HECW2: variants seen among roughly 807,000 people sequenced by gnomAD.
HECW2 encodes the protein E3 ubiquitin-protein ligase HECW2.
A neutral mutation model predicts 175.2 loss-of-function variants in HECW2; 61 were observed. That is an observed-to-expected ratio of 0.35 (90% CI 0.28 to 0.43). The LOEUF (loss-of-function observed/expected upper bound fraction) is 0.43, where lower values mean the gene tolerates loss of function less well. Among genes scored for constraint, HECW2 ranks in the 20% least tolerant of loss-of-function variants. The pLI is 1.00. For synonymous variants in HECW2, 671 were observed against 731.0 expected (o/e 0.92, Z 1.32); for missense variants, 1,524 against 2,000.5 (o/e 0.76, Z 4.54).
intron 1 of HECW2, among the ~76,000 whole-genome samples, chr2:196,455,037 AT>A (rs758809824): frequency 0.015 from 2,143 of 143,306 alleles, 34 homozygotes; most frequent in African/African-American, 0.048. Context: ...CTTTTACTTA[AT>A]TTTTTTTTTT....
intron 1 of HECW2, among the ~76,000 whole-genome samples, chr2:196,497,945 T>C (rs1687453951): frequency 6.6e-6 from 1 of 152,238 alleles, no homozygotes; most frequent in African/African-American, 2.4e-5. Context: ...TGTCCACACT[T>C]TGTTGAACCT....
rs12619397 is a variant in HECW2 at position 196,442,838 on chromosome 2, T to C, written c.-35-9380A>G. On this transcript the variant is annotated intron_variant, in intron 1 of 28. Coordinates refer to ENST00000644978, the MANE Select transcript of HECW2 (RefSeq NM_001348768.2). ...CTACAAATAAGATATATAATAATGT[T>C]ATTTAAAATAGACCTCTGATATGAA... Among the ~76,000 whole-genome samples the C allele has an allele frequency of 1.9e-3, 287 of 152,306 alleles. 11 individuals are homozygous for C. In the East Asian group the frequency reaches 0.053, roughly 28 times the overall value.
chr2:196,255,681 C>G (rs1689028306), intron 18 of HECW2, among the ~76,000 whole-genome samples: 2 of 152,128 alleles, frequency 1.3e-5, no homozygotes, highest in Admixed American at 1.3e-4. Context: ...TCAGACAAAA[C>G]ATTAAAATAG....
chr2:196,485,006 T>C (rs1445005485), intron 1 of HECW2, among the ~76,000 whole-genome samples: 3 of 151,940 alleles, frequency 2.0e-5, no homozygotes, highest in South Asian at 4.2e-4. Flanking sequence ...CCCAGTATGG[T>C]TGGAGAGCAG....
chr2:196,204,600 G>A (rs1260903986), intron 28 of HECW2, among the ~76,000 whole-genome samples: 1 of 152,198 alleles, frequency 6.6e-6, no homozygotes, highest in East Asian at 1.9e-4. Flanking sequence ...AGCCTTGTGA[G>A]ACCATGAGCA....
chr2:196,231,092 C>CAA (rs10653412), intron 21 of HECW2, among the ~76,000 whole-genome samples: 29,495 of 55,370 alleles, frequency 0.53, 9,631 homozygotes, highest in Non-Finnish European at 0.63. Flanking sequence ...GACTCCGTCT[C>CAA]AAAAAAAAAA....
At chr2:196,231,943 C>A (rs933189106) in intron 21 of HECW2, among the ~76,000 whole-genome samples, 4 of 151,998 alleles carry the variant, frequency 2.6e-5, no homozygotes, top group African/African-American at 9.7e-5. Flanking sequence ...GAGCAGAGAT[C>A]GCGCCACTGC....
At position 196,504,917 on chromosome 2, in the gene HECW2, CA is replaced by C. The variant is rs1370717305; in HGVS notation, c.-35-71460del. Among the ~76,000 whole-genome samples, 3 of 152,148 alleles carry C rather than the reference CA, an allele frequency of 2.0e-5. No homozygotes were observed. The East Asian group carries it at 5.8e-4, about 29-fold the overall frequency. ...AAAAAATGAGTGCAGAGAGATTAAG[CA>C]AGGTACTCAAGACCACAATGCTAAA... On this transcript the variant is annotated intron_variant, in intron 1 of 28. Transcript: ENST00000644978.
chr2:196,408,234 T>C (rs1159138470), intron 2 of HECW2, among the ~76,000 whole-genome samples: 2 of 152,198 alleles, frequency 1.3e-5, no homozygotes, highest in Admixed American at 1.3e-4. Context: ...TTTCATGCTC[T>C]GAATGTGGGA....
At chr2:196,275,335 A>G (rs187244776) in intron 15 of HECW2, among the ~76,000 whole-genome samples, 34 of 152,382 alleles carry the variant, frequency 2.2e-4, no homozygotes, top group African/African-American at 7.9e-4. Context: ...AGAAGAAAAC[A>G]TGATTATCTA....
At chr2:196,504,106 G>C (rs1453257295) in intron 1 of HECW2, among the ~76,000 whole-genome samples, 1 of 152,014 alleles carries the variant, frequency 6.6e-6, no homozygotes, top group African/African-American at 2.4e-5. Flanking sequence ...GACCAGCCTG[G>C]ATAACATAGT....
intron 10 of HECW2, among the ~76,000 whole-genome samples, chr2:196,314,329 C>T (rs544771249): frequency 1.4e-4 from 22 of 152,268 alleles, no homozygotes; most frequent in African/African-American, 5.1e-4. Flanking sequence ...TTCAGTGAAA[C>T]CCCCAAACCC....
At chr2:196,247,058 C>T (rs1688673951) in intron 19 of HECW2, among the ~76,000 whole-genome samples, 1 of 151,946 alleles carries the variant, frequency 6.6e-6, no homozygotes, top group Non-Finnish European at 1.5e-5. Flanking sequence ...GTCAGGAGAT[C>T]GAGACCATCC....
intron 2 of HECW2, among the ~76,000 whole-genome samples, chr2:196,401,795 A>T (rs1694823673): frequency 6.6e-6 from 1 of 152,220 alleles, no homozygotes; most frequent in African/African-American, 2.4e-5. Context: ...TATTTTCTTC[A>T]CCAATATGAT....
In HECW2 at chr2:196,200,237, A is replaced by G. The variant is rs1460127868; in HGVS notation, c.*1040T>C. On this transcript the variant is annotated 3_prime_UTR_variant, in exon 29 of 29. Coordinates refer to ENST00000644978, the MANE Select transcript of HECW2 (RefSeq NM_001348768.2). ...AAGTTTGATTTAGAAGCTATTTTCTATTATACTTCTCAAGTGATGGAGTTG... is the reference window on the plus strand; with the variant it reads ...AAGTTTGATTTAGAAGCTATTTTCTGTTATACTTCTCAAGTGATGGAGTTG... 6.6e-6 allele frequency: 1 copy of G among 152,606 alleles called. No individual in the cohort carries two copies. Among genetic ancestry groups the G allele is most frequent in the Non-Finnish European group, 1.5e-5 (1 of 68,002 alleles). 9.5% of individuals were successfully genotyped at this position (152,606 alleles called of 1,614,324 possible). A position where few individuals can be genotyped will look rare whatever the true frequency, so the allele number is the denominator to read the frequency against.
rs148457703 is a variant in HECW2, at chr2:196,364,766, T to G, written c.293-21002A>C. On this transcript the variant is annotated intron_variant, in intron 2 of 28. Coordinates refer to ENST00000644978, the MANE Select transcript of HECW2 (RefSeq NM_001348768.2). ...ATTAAATAAATATAAAATGAATTCT[T>G]TAATTACAATTATGACACATGCTAC... Among the ~76,000 whole-genome samples the G allele has an allele frequency of 6.3e-3, 961 of 152,326 alleles. 7 individuals carry two copies. The highest frequency in any genetic ancestry group is 0.011 in the Non-Finnish European group (718 of 68,030).
chr2:196,469,767 G>T (rs953179), intron 1 of HECW2, among the ~76,000 whole-genome samples: 41,640 of 151,354 alleles, frequency 0.28, 8,092 homozygotes, highest in African/African-American at 0.55. Context: ...CCATATGAGA[G>T]AACAAGTAGT....
chr2:196,307,094 T>C (rs369033270), intron 12 of HECW2, 36 bp downstream of exon 12: 12 of 1,435,282 alleles, frequency 8.4e-6, no homozygotes, highest in African/African-American at 7.0e-5. Flanking sequence ...TTTTCCACTT[T>C]TATGAAATTA....
chr2:196,243,331 C>T (rs1375908473), intron 19 of HECW2, among the ~76,000 whole-genome samples: 1 of 151,732 alleles, frequency 6.6e-6, no homozygotes, highest in Non-Finnish European at 1.5e-5. Context: ...CCACGCCCGA[C>T]TAATTTTGTA....
Sources: gnomAD v4.1 joint callset for allele counts (sites outside exome capture counted in the v4.1 genomes callset) on GRCh38, gnomAD v4.1.1 for gene constraint, MANE v1.5 for transcripts, NCBI Gene and HGNC (gene_info 2026-07-23, HGNC 2026-07-21) for gene names.